Variants in ABCA13 observed in about 807,000 individuals in gnomAD.
ABCA13 encodes the protein ATP binding cassette subfamily A member 13.
ABCA13 carries 476 observed loss-of-function variants against 478.7 expected under a neutral mutation model. The ratio of observed to expected loss-of-function variants is 0.99; its 90% CI spans 0.92 to 1.07. ABCA13 has a LOEUF of 1.07. Ranked by LOEUF, ABCA13 falls within the 50% of genes least tolerant of loss-of-function variation. ABCA13 has a pLI of 0.00. For missense variants in ABCA13, 6,060 were observed against 5,910.6 expected (o/e 1.03, Z -0.83); for synonymous variants, 2,252 against 2,158.9 (o/e 1.04, Z -1.20).
At chr7:48,551,665 C>T (rs540740987) in intron 55 of ABCA13, among the ~76,000 whole-genome samples, 1 of 151,164 alleles carries the variant, frequency 6.6e-6, no homozygotes, top group Non-Finnish European at 1.5e-5. Context: ...TTTCTACTGA[C>T]CACCAACTTT....
chr7:48,274,199 T>C lies in ABCA13; in HGVS notation c.4533T>C (p.Phe1511=). The C allele has an allele frequency of 6.2e-7, 1 of 1,612,638 alleles. No homozygotes were observed. Among genetic ancestry groups the C allele is most frequent in the Non-Finnish European group, 8.5e-7 (1 of 1,179,138 alleles). The part of the protein sequence containing the change: ...RMSINNLTTD[F]DFASQSNWRY... ...GTATCAACAACTTAACAACAGACTT[T>C]GATTTTGCATCTCAGTCCAATTGGA... The change falls in exon 17 of 62, where the codon TTT becomes TTC. Residue 1511 remains phenylalanine (F), a synonymous_variant. Coordinates refer to ENST00000435803, the MANE Select transcript of ABCA13 (RefSeq NM_152701.5).
In ABCA13 at chr7:48,281,077, G is replaced by T. The variant is rs114240973; in HGVS notation, c.8727-266G>T. 7.4e-3 allele frequency among the ~76,000 whole-genome samples: 1,127 copies of T among 152,200 alleles called. 22 individuals carry two copies. Among genetic ancestry groups the T allele is most frequent in the African/African-American group, 0.026 (1,060 of 41,534 alleles). On this transcript the variant is annotated intron_variant, in intron 18 of 61. Transcript: ENST00000435803. ...CAACATTTACCTTTGCATTTCAAAA[G>T]AATAGAACAAAAGAAGAAAGAAAAG...
rs1197293072 is a variant in ABCA13 at position 48,373,521 on chromosome 7, T to C, written c.11134-826T>C. Reference sequence around the variant, plus strand: ...AAAAAGTGGTTATATTCCATCAGTGTTTTATCTATTGGTATGTGTTCATTG... The same window carrying C: ...AAAAAGTGGTTATATTCCATCAGTGCTTTATCTATTGGTATGTGTTCATTG... On this transcript the variant is annotated intron_variant, in intron 33 of 61. Transcript: ENST00000435803. Among the ~76,000 whole-genome samples the C allele has an allele frequency of 2.6e-5, 4 of 152,328 alleles. No homozygotes were observed. The East Asian group carries it at 7.7e-4, about 29-fold the overall frequency.
Position 48,314,269 on chromosome 7 carries a change from G to A in ABCA13, c.9719G>A (p.Gly3240Asp), listed in dbSNP as rs202121943. The change falls in exon 26 of 62, where the codon GGT becomes GAT. Residue 3240 changes from glycine (G) to aspartate (D), a missense_variant. Gly to Asp is a moderately conservative substitution (Grantham distance 94). Transcript: ENST00000435803. ...QNVQARSSAF[G>D]SFQFVMKMVC... The stretch of plus-strand genomic sequence containing the variant: ...GTCCAGGCCAGAAGTTCAGCTTTTG[G>A]TTCTTTCCAGTTTGTGATGAAGATG... 1.2e-6 allele frequency: 2 copies of A among 1,613,276 alleles called. No homozygotes were observed. Among genetic ancestry groups the A allele is most frequent in the South Asian group, 2.2e-5 (2 of 90,788 alleles).
chr7:48,372,594 T>C, intron 33 of ABCA13, 97 bp downstream of exon 33: 4 of 1,035,988 alleles, frequency 3.9e-6, no homozygotes, highest in Non-Finnish European at 5.5e-6. Context: ...TTTCAATTTG[T>C]CATGTTCATA....
chr7:48,400,044 CT>C (rs59778865), intron 38 of ABCA13, among the ~76,000 whole-genome samples: 7,010 of 147,010 alleles, frequency 0.048, 506 homozygotes, highest in African/African-American at 0.16. Flanking sequence ...GTGCTTTCCT[CT>C]TTTTTTTTTT....
chr7:48,487,798 G>A (rs190207029), intron 47 of ABCA13, among the ~76,000 whole-genome samples: 176 of 152,192 alleles, frequency 1.2e-3, no homozygotes, highest in African/African-American at 4.1e-3. Context: ...GTGTGTGAGG[G>A]GGCAGGGTGG....
intron 55 of ABCA13, among the ~76,000 whole-genome samples, chr7:48,561,743 G>T (rs972983160): frequency 1.3e-5 from 2 of 151,788 alleles, no homozygotes; most frequent in African/African-American, 4.8e-5. Context: ...ATATAATCCC[G>T]TTTGTCTTTG....
intron 27 of ABCA13, among the ~76,000 whole-genome samples, chr7:48,329,392 C>G (rs1804843498): frequency 6.6e-6 from 1 of 152,068 alleles, no homozygotes; most frequent in Non-Finnish European, 1.5e-5. Flanking sequence ...AATTTGTGTG[C>G]TATATTGAGG....
At chr7:48,418,390 G>A (rs1820316687) in intron 41 of ABCA13, among the ~76,000 whole-genome samples, 1 of 152,200 alleles carries the variant, frequency 6.6e-6, no homozygotes, top group Non-Finnish European at 1.5e-5. Flanking sequence ...TAATAGGTGT[G>A]TAGAGGTATC....
At chr7:48,511,785 A>T (rs904543040) in intron 51 of ABCA13, among the ~76,000 whole-genome samples, 6 of 152,174 alleles carry the variant, frequency 3.9e-5, no homozygotes, top group African/African-American at 1.2e-4. Flanking sequence ...TCATGCACGT[A>T]TGCTTATATA....
At chr7:48,188,861 C>T (rs1416067767) in intron 1 of ABCA13, among the ~76,000 whole-genome samples, 4 of 152,162 alleles carry the variant, frequency 2.6e-5, no homozygotes, top group Non-Finnish European at 4.4e-5. Flanking sequence ...GGTAGTGGAA[C>T]AGGGATCTGG....
At chr7:48,612,653 C>T (rs1319955778) in intron 58 of ABCA13, among the ~76,000 whole-genome samples, 1 of 152,164 alleles carries the variant, frequency 6.6e-6, no homozygotes. Context: ...GATATATTCT[C>T]CTACTGTGAA....
intron 42 of ABCA13, among the ~76,000 whole-genome samples, chr7:48,441,083 T>G (rs1320221274): frequency 6.6e-6 from 1 of 152,190 alleles, no homozygotes; most frequent in Non-Finnish European, 1.5e-5. Flanking sequence ...TGATATGAGA[T>G]TGCCTACATT....
Position 48,221,762 on chromosome 7 carries a change from C to A in ABCA13, c.468+453C>A, listed in dbSNP as rs547849340. 1.8e-4 allele frequency among the ~76,000 whole-genome samples: 28 copies of A among 152,246 alleles called. No homozygotes were observed. In the South Asian group the frequency reaches 5.8e-3, roughly 32 times the overall value. On this transcript the variant is annotated intron_variant, in intron 5 of 61. Coordinates refer to ENST00000435803, the MANE Select transcript of ABCA13 (RefSeq NM_152701.5). ...ATTTTTGGTTGTCATAACTGTGGAC[C>A]AGTGGGGAGGGTAATATTAACCTCT...
chr7:48,507,771 A>G, intron 49 of ABCA13, 101 bp from the exon 50 acceptor site: 1 of 1,323,296 alleles, frequency 7.6e-7, no homozygotes, highest in Non-Finnish European at 1.0e-6. Flanking sequence ...ATGAATTTTT[A>G]ATTAGCAGTT....
Position 48,278,162 on chromosome 7 carries a change from A to T in ABCA13, c.6968A>T (p.Asp2323Val). The change falls in exon 18 of 62, where the codon GAC becomes GTC. Residue 2323 changes from aspartate (D) to valine (V), a missense_variant. Asp to Val is a radical substitution (Grantham distance 152). Coordinates refer to ENST00000435803, the MANE Select transcript of ABCA13 (RefSeq NM_152701.5). ...CAATTTCTTACCCTGATGATACAAG[A>T]CAGATTGATGAACATTTTTTCAAGT... ...LDQFLTLMIQ[D>V]RLMNIFSSLK... 2 of 1,546,814 alleles carry T rather than the reference A, an allele frequency of 1.3e-6. No homozygotes were observed. The highest frequency in any genetic ancestry group is 1.7e-6 in the Non-Finnish European group (2 of 1,143,872).
At chr7:48,183,118 G>C (rs1225788514) in intron 1 of ABCA13, among the ~76,000 whole-genome samples, 1 of 152,050 alleles carries the variant, frequency 6.6e-6, no homozygotes, top group Non-Finnish European at 1.5e-5. Context: ...CTAAACTTAT[G>C]GTGTTTTCCT....
At chr7:48,411,319 C>CTTTTCTTTTCTTTTCTT (rs1296464576) in intron 40 of ABCA13, among the ~76,000 whole-genome samples, 25 of 140,596 alleles carry the variant, frequency 1.8e-4, no homozygotes, top group African/African-American at 6.4e-4. Context: ...CTTTTCTTTT[C>CTTTTCTTTTCTTTTCTT]TTTTCTTTCA....
Sources: gnomAD v4.1 joint callset for allele counts (sites outside exome capture counted in the v4.1 genomes callset) on GRCh38, gnomAD v4.1.1 for gene constraint, MANE v1.5 for transcripts, NCBI Gene and HGNC (gene_info 2026-07-23, HGNC 2026-07-21) for gene names.